TAFA4: variants seen among roughly 807,000 people sequenced by gnomAD.
TAFA4 encodes TAFA chemokine like family member 4.
TAFA4 carries 20 observed loss-of-function variants against 21.1 expected under a neutral mutation model. The ratio of observed to expected loss-of-function variants is 0.95; its 90% CI spans 0.67 to 1.38. The LOEUF (loss-of-function observed/expected upper bound fraction) is 1.38. Among genes scored for constraint, TAFA4 ranks in the 40% most tolerant of loss-of-function variants. TAFA4 has a pLI of 0.00. For missense variants in TAFA4, 211 were observed against 180.9 expected (o/e 1.17, Z -0.95); for synonymous variants, 71 against 67.4 (o/e 1.05, Z -0.26).
intron 3 of TAFA4, among the ~76,000 whole-genome samples, chr3:68,763,225 T>C (rs1245069765): frequency 6.6e-6 from 1 of 152,202 alleles, no homozygotes; most frequent in African/African-American, 2.4e-5. Context: ...GGTGAAGCTC[T>C]TGAATGCTTT....
chr3:68,829,222 C>A (rs1704321306), intron 3 of TAFA4, among the ~76,000 whole-genome samples: 1 of 152,130 alleles, frequency 6.6e-6, no homozygotes, highest in African/African-American at 2.4e-5. Context: ...TGGAACAGGA[C>A]AGAGGCCTCA....
At chr3:68,778,887 G>T (rs1180633079) in intron 3 of TAFA4, among the ~76,000 whole-genome samples, 1 of 152,216 alleles carries the variant, frequency 6.6e-6, no homozygotes, top group Non-Finnish European at 1.5e-5. Context: ...AGTGATGTTG[G>T]AACTAGGTAA....
At chr3:68,747,691 A>G (rs17047966) in intron 4 of TAFA4, among the ~76,000 whole-genome samples, 2,372 of 152,180 alleles carry the variant, frequency 0.016, 70 homozygotes, top group African/African-American at 0.055. Flanking sequence ...TCACCATGAA[A>G]CCTATGCTGA....
intron 1 of TAFA4, among the ~76,000 whole-genome samples, chr3:68,925,527 C>T (rs1320158278): frequency 6.6e-6 from 1 of 152,118 alleles, no homozygotes; most frequent in South Asian, 2.1e-4. Context: ...TACTTAAAAT[C>T]TTAAACTAGA....
At chr3:68,845,488 T>A (rs1704765448) in intron 3 of TAFA4, among the ~76,000 whole-genome samples, 1 of 152,262 alleles carries the variant, frequency 6.6e-6, no homozygotes, top group Non-Finnish European at 1.5e-5. Flanking sequence ...CCAGTCTTTG[T>A]CTTTTAATTG....
intron 3 of TAFA4, among the ~76,000 whole-genome samples, chr3:68,877,478 G>C (rs2089564265): frequency 6.6e-6 from 1 of 152,066 alleles, no homozygotes; most frequent in Non-Finnish European, 1.5e-5. Context: ...TTGCAAGGAG[G>C]GTAAAAGCTC....
At chr3:68,849,948 CTG>C (rs1295180018) in intron 3 of TAFA4, among the ~76,000 whole-genome samples, 2 of 152,078 alleles carry the variant, frequency 1.3e-5, no homozygotes, top group African/African-American at 4.8e-5. Flanking sequence ...GACAGTAAAA[CTG>C]TATAAATTTG....
chr3:68,788,908 G>A (rs1373831285), intron 3 of TAFA4, among the ~76,000 whole-genome samples: 1 of 152,100 alleles, frequency 6.6e-6, no homozygotes, highest in Non-Finnish European at 1.5e-5. Context: ...ATATATAGGT[G>A]GGAGCCATCA....
chr3:68,757,844 A>G (rs1275876674), intron 3 of TAFA4, among the ~76,000 whole-genome samples: 1 of 152,214 alleles, frequency 6.6e-6, no homozygotes. Flanking sequence ...TTTCCTTCTT[A>G]GGAATACACA....
intron 3 of TAFA4, among the ~76,000 whole-genome samples, chr3:68,851,511 T>C (rs1565388): frequency 0.14 from 21,560 of 152,112 alleles, 2,072 homozygotes; most frequent in African/African-American, 0.27. Flanking sequence ...ATTCAAATTA[T>C]GCTACTATGA....
intron 1 of TAFA4, among the ~76,000 whole-genome samples, chr3:68,898,831 C>G (rs964869757): frequency 6.6e-6 from 1 of 152,022 alleles, no homozygotes; most frequent in African/African-American, 2.4e-5. Flanking sequence ...CCCAAGTATA[C>G]AATATTAGTG....
At chr3:68,931,997 C>G (rs1013820449) in intron 1 of TAFA4, among the ~76,000 whole-genome samples, 2 of 152,296 alleles carry the variant, frequency 1.3e-5, no homozygotes, top group Admixed American at 6.5e-5. Context: ...GCCGCTGCCT[C>G]TCTCCAGCCA....
At position 68,855,576 on chromosome 3, in the gene TAFA4, G is replaced by A. The variant is rs990900940; in HGVS notation, c.130+25154C>T. 5.3e-5 allele frequency among the ~76,000 whole-genome samples: 8 copies of A among 152,170 alleles called. No homozygotes were observed. The South Asian group carries it at 6.2e-4, about 12-fold the overall frequency. On this transcript the variant is annotated intron_variant, in intron 3 of 5. Transcript: ENST00000295569. ...ACTGATAAACATGTACTGACGTAGC[G>A]TTTGATCCCTAAGACAAACTGATAA...
At chr3:68,750,119 C>T (rs985597790) in intron 4 of TAFA4, among the ~76,000 whole-genome samples, 1 of 152,078 alleles carries the variant, frequency 6.6e-6, no homozygotes, top group East Asian at 1.9e-4. Context: ...GCCATAAACA[C>T]AATCAAAATG....
intron 3 of TAFA4, among the ~76,000 whole-genome samples, chr3:68,843,247 T>A (rs1704708187): frequency 1.3e-5 from 2 of 152,172 alleles, no homozygotes; most frequent in South Asian, 4.1e-4. Flanking sequence ...GTCCTTCACA[T>A]CCCTTGTAAG....
intron 1 of TAFA4, among the ~76,000 whole-genome samples, chr3:68,919,263 A>G (rs2107019548): frequency 6.6e-6 from 1 of 152,338 alleles, no homozygotes; most frequent in East Asian, 1.9e-4. Context: ...AGGACTGTGC[A>G]GCTCCAGCAG....
chr3:68,849,297 C>A (rs1284515311), intron 3 of TAFA4, among the ~76,000 whole-genome samples: 1 of 152,190 alleles, frequency 6.6e-6, no homozygotes, highest in Non-Finnish European at 1.5e-5. Flanking sequence ...TCCTTTGAAT[C>A]TGAATGGGCT....
intron 3 of TAFA4, among the ~76,000 whole-genome samples, chr3:68,869,602 GACAAAAACC>G: frequency 6.6e-6 from 1 of 151,972 alleles, no homozygotes; most frequent in Non-Finnish European, 1.5e-5. Context: ...CAGAATCAAG[GACAAAAACC>G]ATACGATCAT....
chr3:68,886,791 C>T, intron 1 of TAFA4, among the ~76,000 whole-genome samples: 1 of 152,288 alleles, frequency 6.6e-6, no homozygotes, highest in African/African-American at 2.4e-5. Context: ...CTGTTTTCTG[C>T]TGCTGTAACA....
Sources: gnomAD v4.1 joint callset for allele counts (sites outside exome capture counted in the v4.1 genomes callset) on GRCh38, gnomAD v4.1.1 for gene constraint, MANE v1.5 for transcripts, NCBI Gene and HGNC (gene_info 2026-07-23, HGNC 2026-07-21) for gene names.